KIT: variants seen among roughly 807,000 people sequenced by gnomAD.
KIT encodes the protein KIT proto-oncogene, receptor tyrosine kinase, also known as mast/stem cell growth factor receptor Kit.
A neutral mutation model predicts 105.7 loss-of-function variants in KIT; 16 were observed. The observed-to-expected ratio is 0.15, with a 90% confidence interval of 0.10 to 0.23. The LOEUF (loss-of-function observed/expected upper bound fraction) is 0.23. Among genes scored for constraint, KIT ranks in the 10% least tolerant of loss-of-function variants. The pLI is 1.00. For missense variants in KIT, 858 were observed against 1,213.8 expected (o/e 0.71, Z 4.36); for synonymous variants, 438 against 441.1 (o/e 0.99, Z 0.09).
At chr4:54,717,124 T>TAA (rs1268958622) in intron 7 of KIT, among the ~76,000 whole-genome samples, 2 of 152,202 alleles carry the variant, frequency 1.3e-5, no homozygotes, top group Non-Finnish European at 1.5e-5. Flanking sequence ...GACACTCTAA[T>TAA]ATCTCTTTCT....
chr4:54,682,819 T>G (rs748907688), intron 1 of KIT, among the ~76,000 whole-genome samples: 2 of 149,434 alleles, frequency 1.3e-5, no homozygotes, highest in Non-Finnish European at 3.0e-5. Flanking sequence ...TGACGCAATC[T>G]CGGCTCACTG....
At chr4:54,690,728 T>C (rs963396571) in intron 1 of KIT, among the ~76,000 whole-genome samples, 7 of 152,236 alleles carry the variant, frequency 4.6e-5, no homozygotes, top group African/African-American at 1.7e-4. Flanking sequence ...TTTCAAAATT[T>C]GGAATTTCAG....
rs764283878 is a variant in KIT, at chr4:54,729,542, G to A, written c.2141+57G>A. 4.5e-6 allele frequency: 7 copies of A among 1,565,018 alleles called. No individual in the cohort carries two copies. The African/African-American group carries it at 6.8e-5, about 15-fold the overall frequency. ...TGACAGGCAGTTCATGGGGTCATAA[G>A]GGTTTGCAATCAAGGCTGATTCTTT... On this transcript the variant is annotated intron_variant, in intron 14 of 20. Coordinates refer to ENST00000288135, the MANE Select transcript of KIT (RefSeq NM_000222.3).
At chr4:54,714,277 A>G (rs1051615281) in intron 7 of KIT, among the ~76,000 whole-genome samples, 1 of 152,184 alleles carries the variant, frequency 6.6e-6, no homozygotes, top group Non-Finnish European at 1.5e-5. Context: ...ATTAGAAAAA[A>G]ATGACATTGC....
Position 54,739,858 on chromosome 4 carries a change from C to G in KIT, c.*1301C>G. On this transcript the variant is annotated 3_prime_UTR_variant, in exon 21 of 21. Transcript: ENST00000288135. ...GCAGAGGAAGTGGAAGGCATCAGTC[C>G]CTATGTATTTGCAGTTCACCTGCAC... 8.6e-6 allele frequency: 2 copies of G among 233,368 alleles called. No individual in the cohort carries two copies. The highest frequency in any genetic ancestry group is 1.7e-5 in the Non-Finnish European group (2 of 117,922). 14.5% of individuals were successfully genotyped at this position (233,368 alleles called of 1,614,324 possible).
intron 6 of KIT, among the ~76,000 whole-genome samples, chr4:54,708,641 C>T (rs139421916): frequency 0.013 from 2,054 of 152,208 alleles, 11 homozygotes; most frequent in Non-Finnish European, 0.019. Context: ...GAAGTAAAGA[C>T]GTGAAGGTTG....
intron 1 of KIT, among the ~76,000 whole-genome samples, chr4:54,688,918 G>A (rs1685310092): frequency 6.6e-6 from 1 of 152,274 alleles, no homozygotes; most frequent in African/African-American, 2.4e-5. Context: ...ATCTTTTGAT[G>A]GAGGGCCAAA....
chr4:54,702,211 G>A (rs979205552), intron 4 of KIT, among the ~76,000 whole-genome samples: 15 of 152,094 alleles, frequency 9.9e-5, no homozygotes, highest in African/African-American at 3.4e-4. Context: ...TAGCAATGCT[G>A]TGTAATAGAA....
rs565654646 is a variant in KIT, at chr4:54,690,005, T to C, written c.68-5507T>C. On this transcript the variant is annotated intron_variant, in intron 1 of 20. Coordinates refer to ENST00000288135, the MANE Select transcript of KIT (RefSeq NM_000222.3). Reference sequence around the variant, plus strand: ...GTCTGGCACATTTGACCTAGCATACTGTTTGCAAGGTTCATTCATGTGTGG... The same window carrying C: ...GTCTGGCACATTTGACCTAGCATACCGTTTGCAAGGTTCATTCATGTGTGG... 2.6e-5 allele frequency among the ~76,000 whole-genome samples: 4 copies of C among 151,482 alleles called. No individual in the cohort carries two copies. In the South Asian group the frequency reaches 8.5e-4, roughly 32 times the overall value.
intron 7 of KIT, among the ~76,000 whole-genome samples, chr4:54,719,570 A>ATT (rs11462194): frequency 8.8e-4 from 133 of 151,082 alleles, no homozygotes; most frequent in East Asian, 3.3e-3. Context: ...CAAAAAGGCT[A>ATT]TTTTTTTTTA....
intron 7 of KIT, among the ~76,000 whole-genome samples, chr4:54,710,230 A>G (rs957773114): frequency 2.0e-5 from 3 of 152,200 alleles, no homozygotes; most frequent in East Asian, 3.9e-4. Flanking sequence ...TGCCAAGTGC[A>G]GGGCTTCTTC....
At chr4:54,675,387 C>T (rs1223061711) in intron 1 of KIT, among the ~76,000 whole-genome samples, 1 of 152,164 alleles carries the variant, frequency 6.6e-6, no homozygotes, top group African/African-American at 2.4e-5. Context: ...CAGGGCTGGT[C>T]GTTAAGAATT....
intron 7 of KIT, among the ~76,000 whole-genome samples, chr4:54,720,084 C>T (rs532688027): frequency 9.9e-5 from 15 of 152,252 alleles, no homozygotes; most frequent in African/African-American, 3.4e-4. Flanking sequence ...CTGGGTGCTT[C>T]TCTTGCCTTA....
chr4:54,681,313 G>T (rs1439536516), intron 1 of KIT, among the ~76,000 whole-genome samples: 1 of 152,100 alleles, frequency 6.6e-6, no homozygotes, highest in Non-Finnish European at 1.5e-5. Flanking sequence ...GGACTGTGCT[G>T]GGCTGTTGGG....
intron 1 of KIT, among the ~76,000 whole-genome samples, chr4:54,687,614 G>A (rs1719408357): frequency 6.6e-6 from 1 of 152,002 alleles, no homozygotes; most frequent in African/African-American, 2.4e-5. Context: ...TCCTGGCACT[G>A]GACAGAGACC....
intron 1 of KIT, among the ~76,000 whole-genome samples, chr4:54,674,776 A>G (rs1459791784): frequency 6.6e-6 from 1 of 152,236 alleles, no homozygotes; most frequent in Non-Finnish European, 1.5e-5. Context: ...ATGAGAAAAT[A>G]TAGTGGCTGA....
Position 54,690,367 on chromosome 4 carries a change from G to C in KIT, c.68-5145G>C, listed in dbSNP as rs557644809. Reference sequence around the variant, plus strand: ...TGAAATCTTGCATTGTTGACTCTTCGTAAGTGTCCGCTTCCTCCTCTATGC... The same window carrying C: ...TGAAATCTTGCATTGTTGACTCTTCCTAAGTGTCCGCTTCCTCCTCTATGC... On this transcript the variant is annotated intron_variant, in intron 1 of 20. Transcript: ENST00000288135. Among the ~76,000 whole-genome samples, 6 of 152,252 alleles carry C rather than the reference G, an allele frequency of 3.9e-5. No individual in the cohort carries two copies. In the South Asian group the frequency reaches 6.2e-4, roughly 16 times the overall value.
intron 1 of KIT, among the ~76,000 whole-genome samples, chr4:54,662,361 C>T (rs1345082632): frequency 6.6e-6 from 1 of 152,182 alleles, no homozygotes; most frequent in Non-Finnish European, 1.5e-5. Context: ...AGTTTTGCCA[C>T]TTATTAGCTC....
At chr4:54,689,665 A>T (rs1719555870) in intron 1 of KIT, among the ~76,000 whole-genome samples, 1 of 152,226 alleles carries the variant, frequency 6.6e-6, no homozygotes, top group African/African-American at 2.4e-5. Flanking sequence ...TTTTAGGTTT[A>T]GCCGGGCCTT....
Sources: gnomAD v4.1 joint callset for allele counts (sites outside exome capture counted in the v4.1 genomes callset) on GRCh38, gnomAD v4.1.1 for gene constraint, MANE v1.5 for transcripts, NCBI Gene and HGNC (gene_info 2026-07-23, HGNC 2026-07-21) for gene names.